Variants in CEPT1 observed in about 807,000 individuals in gnomAD.
The protein encoded by CEPT1 is choline/ethanolaminephosphotransferase 1.
CEPT1 carries 7 observed loss-of-function variants against 42.6 expected under a neutral mutation model. The ratio of observed to expected loss-of-function variants is 0.16; its 90% CI spans 0.09 to 0.31. The LOEUF (loss-of-function observed/expected upper bound fraction) is 0.31, where lower values mean the gene tolerates loss of function less well. Among genes scored for constraint, CEPT1 ranks in the 10% least tolerant of loss-of-function variants. CEPT1 has a pLI of 1.00. For synonymous variants in CEPT1, 171 were observed against 171.9 expected (o/e 0.99, Z 0.04); for missense variants, 306 against 502.1 (o/e 0.61, Z 3.73).
In CEPT1 at chr1:111,182,787, C is replaced by T; in HGVS notation, c.847-12C>T. 1 of 1,604,772 alleles carries T rather than the reference C, an allele frequency of 6.2e-7. No homozygotes were observed. Among genetic ancestry groups the T allele is most frequent in the East Asian group, 2.2e-5 (1 of 44,746 alleles). ...ACTGAATACTATTAACTCTTCTCTT[C>T]ACTCTGTACAGGGAACAAGTGTCCT... On this transcript the variant is annotated splice_polypyrimidine_tract_variant and intron_variant, in intron 6 of 8. Coordinates refer to ENST00000357172, the MANE Select transcript of CEPT1 (RefSeq NM_006090.5).
intron 6 of CEPT1, 76 bp downstream of exon 6, chr1:111,182,394 A>T: frequency 7.1e-7 from 1 of 1,401,772 alleles, no homozygotes; most frequent in Non-Finnish European, 9.9e-7. Context: ...TTTTATTTCA[A>T]ATGTATAAAA....
chr1:111,140,593 T>G (rs1363385899), intron 1 of CEPT1: 2 of 152,524 alleles, frequency 1.3e-5, no homozygotes, highest in Non-Finnish European at 2.9e-5. Context: ...GGGGGGCTGT[T>G]GTGTGGGAGC....
At chr1:111,149,398 G>T (rs1655148872) in intron 2 of CEPT1, among the ~76,000 whole-genome samples, 1 of 151,836 alleles carries the variant, frequency 6.6e-6, no homozygotes, top group Non-Finnish European at 1.5e-5. Context: ...AAGTAACTGG[G>T]ATTACAGGCC....
At chr1:111,172,717 C>T (rs1028774381) in intron 4 of CEPT1, among the ~76,000 whole-genome samples, 2 of 152,232 alleles carry the variant, frequency 1.3e-5, no homozygotes, top group Non-Finnish European at 1.5e-5. Context: ...ATTAGAACCA[C>T]ACTTCCAGGA....
chr1:111,174,882 T>C lies in CEPT1; in HGVS notation c.633T>C (p.Ile211=), dbSNP rs1246928719. 6.2e-7 allele frequency: 1 copy of C among 1,607,046 alleles called. No homozygotes were observed. Among genetic ancestry groups the C allele is most frequent in the Non-Finnish European group, 8.5e-7 (1 of 1,173,866 alleles). Residue 211 remains isoleucine (I), a synonymous_variant, in exon 5 of 9, where the codon ATT becomes ATC. Coordinates refer to ENST00000357172, the MANE Select transcript of CEPT1 (RefSeq NM_006090.5). ...YVSGTLRFGI[I]DVTEVQIFII... The stretch of plus-strand genomic sequence containing the variant: ...TTGGCTTTTTGTACCTAATCAGAAT[T>C]GATGTGACTGAAGTGCAAATCTTCA...
In CEPT1 at chr1:111,178,098, A is replaced by G. The variant is rs575332219; in HGVS notation, c.714+3135A>G. ...GTTTTGAATTGCATTCTGTTAATAC[A>G]GGAACAAATACTACATATTGAGCTC... On this transcript the variant is annotated intron_variant, in intron 5 of 8. Transcript: ENST00000357172. 2.0e-5 allele frequency: 3 copies of G among 152,352 alleles called. No homozygotes were observed. The South Asian group carries it at 6.2e-4, about 32-fold the overall frequency. The allele number at this position is 152,352 out of a possible 1,614,324, so 9.4% of individuals were successfully genotyped here. A position where few individuals can be genotyped will look rare whatever the true frequency, so the allele number is the denominator to read the frequency against.
intron 3 of CEPT1, 168 bp from the exon 4 acceptor site, chr1:111,160,987 G>A: frequency 1.5e-6 from 1 of 659,118 alleles, no homozygotes; most frequent in South Asian, 2.0e-5. Flanking sequence ...TTGAAATTAT[G>A]GGGTAAGAGA....
Position 111,182,326 on chromosome 1 carries a change from T to A in CEPT1, c.846+8T>A, listed in dbSNP as rs1657031532. On this transcript the variant is annotated splice_region_variant and intron_variant, in intron 6 of 8. Transcript: ENST00000357172. ...AATGGATCAACAATAGCAGTAAGTA[T>A]ACCTTAAGATTTTCAACACTTGTTT... 1 of 1,608,684 alleles carries A rather than the reference T, an allele frequency of 6.2e-7. No homozygotes were observed. Among genetic ancestry groups the A allele is most frequent in the African/African-American group, 1.3e-5 (1 of 74,848 alleles).
At position 111,148,010 on chromosome 1, in the gene CEPT1, C is replaced by A; in HGVS notation, c.296C>A (p.Thr99Lys). 2 of 1,614,148 alleles carry A rather than the reference C, an allele frequency of 1.2e-6. No individual in the cohort carries two copies. The highest frequency in any genetic ancestry group is 1.7e-6 in the Non-Finnish European group (2 of 1,179,996). The change falls in exon 2 of 9, where the codon ACA becomes AAA. Residue 99 changes from threonine to lysine, a missense_variant. By Grantham distance (78) the Thr-to-Lys change is moderately conservative (BLOSUM62 -1). This residue lies in a region of CEPT1 where 253 missense variants were observed against 447.3 expected (regional missense o/e 0.57). Transcript: ENST00000357172. The stretch of plus-strand genomic sequence containing the variant: ...ATTGGACTGTCAATAAACATCTGTA[C>A]AACTATTTTATTAGTCTTCTACTGC... ...TIIGLSINIC[T>K]TILLVFYCPT...
rs34173256 is a variant in CEPT1, at chr1:111,184,847, C to CTTTTT, written c.*555_*559dup. The CTTTTT allele has an allele frequency of 5.2e-5, 6 of 116,498 alleles. No homozygotes were observed. Among genetic ancestry groups the CTTTTT allele is most frequent in the African/African-American group, 1.3e-4 (4 of 31,102 alleles). 7.2% of individuals were successfully genotyped at this position (116,498 alleles called of 1,614,324 possible). On this transcript the variant is annotated 3_prime_UTR_variant, in exon 9 of 9. Transcript: ENST00000357172. ...CTATCTTTACATTGTTGAGGAAGTC[C>CTTTTT]TTTTTTTTTTTTTTTTTTTTTTAAT...
intron 2 of CEPT1, among the ~76,000 whole-genome samples, chr1:111,155,425 C>T (rs1176753887): frequency 6.6e-6 from 1 of 151,644 alleles, no homozygotes; most frequent in Non-Finnish European, 1.5e-5. Flanking sequence ...TTTCAAAAAA[C>T]CAACTTTTCA....
chr1:111,148,693 G>A (rs934849691), intron 2 of CEPT1, among the ~76,000 whole-genome samples: 1 of 152,144 alleles, frequency 6.6e-6, no homozygotes, highest in Non-Finnish European at 1.5e-5. Context: ...CTCTTCTACC[G>A]TTACCCTCTA....
At chr1:111,162,938 G>C (rs1655944730) in intron 4 of CEPT1, among the ~76,000 whole-genome samples, 1 of 152,176 alleles carries the variant, frequency 6.6e-6, no homozygotes, top group Non-Finnish European at 1.5e-5. Flanking sequence ...TGGGCTCAAA[G>C]GAAGGAGGGT....
chr1:111,154,416 T>G (rs977015357), intron 2 of CEPT1, among the ~76,000 whole-genome samples: 2 of 152,114 alleles, frequency 1.3e-5, no homozygotes, highest in Non-Finnish European at 2.9e-5. Context: ...TTCCCATATA[T>G]AAGTTCATAT....
At chr1:111,183,376 T>G in intron 7 of CEPT1, 86 bp from the exon 8 acceptor site, 1 of 1,421,698 alleles carries the variant, frequency 7.0e-7, no homozygotes, top group South Asian at 1.3e-5. Flanking sequence ...TTATTGGAAG[T>G]TGATATCTGA....
chr1:111,175,097 C>T (rs1252162574), intron 5 of CEPT1, 134 bp downstream of exon 5: 3 of 640,398 alleles, frequency 4.7e-6, no homozygotes, highest in Non-Finnish European at 8.5e-6. Flanking sequence ...AACACAACTT[C>T]TCTTTAGAGG....
At chr1:111,153,744 C>T (rs1194000353) in intron 2 of CEPT1, among the ~76,000 whole-genome samples, 5 of 152,148 alleles carry the variant, frequency 3.3e-5, no homozygotes, top group Non-Finnish European at 7.4e-5. Context: ...ATGTTCCTGG[C>T]ATCTTTGTCA....
chr1:111,183,723 G>T (rs1380845937), intron 8 of CEPT1, 136 bp downstream of exon 8: 2 of 934,840 alleles, frequency 2.1e-6, no homozygotes, highest in African/African-American at 1.7e-5. Context: ...ACATAAATGG[G>T]GCTGTGTGAG....
chr1:111,140,399 C>A (rs972968668), intron 1 of CEPT1, 92 bp downstream of exon 1: 1 of 152,458 alleles, frequency 6.6e-6, no homozygotes, highest in Non-Finnish European at 1.5e-5. Flanking sequence ...TGGGGCGGGT[C>A]ATTAGGATAT....
Sources: gnomAD v4.1 joint callset for allele counts (sites outside exome capture counted in the v4.1 genomes callset) on GRCh38, gnomAD v4.1.1 for gene constraint, gnomAD v4.1.1 regional missense constraint, MANE v1.5 for transcripts, NCBI Gene and HGNC (gene_info 2026-07-23, HGNC 2026-07-21) for gene names.